The following UMODL1 variants were observed in gnomAD, a reference collection of about 807,000 sequenced individuals.
UMODL1 encodes uromodulin like 1.
Under a neutral mutation model 136.3 loss-of-function variants are expected in UMODL1, and 128 were observed. The ratio of observed to expected loss-of-function variants is 0.94; its 90% CI spans 0.81 to 1.09. UMODL1 has a LOEUF of 1.09. Ranked by LOEUF, UMODL1 falls within the 50% of genes least tolerant of loss-of-function variation. UMODL1 has a pLI of 0.00. For synonymous variants in UMODL1, 721 were observed against 720.0 expected, an observed-to-expected ratio of 1.00 and a Z score of -0.02; for missense variants, 1,766 against 1,725.6, an observed-to-expected ratio of 1.02 and a Z score of -0.41.
rs1601259528 is a variant in UMODL1 at position 42,122,926 on chromosome 21, A to C, written c.2923A>C (p.Thr975Pro). The C allele has an allele frequency of 6.2e-7, 1 of 1,613,220 alleles. No homozygotes were observed. The highest frequency in any genetic ancestry group is 8.5e-7 in the Non-Finnish European group (1 of 1,179,888). ...TGCCTTTGTGCAAGGCACCAGCCCC[A>C]CCCCCCAAGGCCTGCCCCAGCGGCT... is the stretch of plus-strand genomic sequence containing the variant. ...KAAFVQGTSP[T>P]PQGLPQRLNL... Residue 975 changes from threonine to proline, a missense_variant, in exon 17 of 23, where the codon ACC (threonine) becomes CCC (proline). By Grantham distance (38) the Thr-to-Pro change is conservative. Coordinates refer to ENST00000408910, the MANE Select transcript of UMODL1 (RefSeq NM_001004416.3). The surrounding 1 kb of genome is among the most constrained non-coding windows in gnomAD (Gnocchi z 4.3).
intron 1 of UMODL1, among the ~76,000 whole-genome samples, chr21:42,063,903 C>T (rs1253088057): frequency 6.6e-6 from 1 of 152,196 alleles, no homozygotes; most frequent in African/African-American, 2.4e-5. Flanking sequence ...GCCCTTCTTC[C>T]CTTTTCTCGA....
chr21:42,098,797 T>C, intron 6 of UMODL1, 129 bp from the exon 7 acceptor site: 1 of 1,418,916 alleles, frequency 7.0e-7, no homozygotes, highest in African/African-American at 1.4e-5. Context: ...GCCAGTGCTG[T>C]TCTGGATGGG....
chr21:42,136,309 T>C (rs184958216), intron 21 of UMODL1, among the ~76,000 whole-genome samples: 5 of 152,352 alleles, frequency 3.3e-5, no homozygotes, highest in Admixed American at 2.0e-4. Flanking sequence ...CAACTCCATG[T>C]AGTTTCAAAA....
Position 42,119,336 on chromosome 21 carries a change from T to G in UMODL1, c.2689+12T>G, listed in dbSNP as rs1601253215. 1 of 1,611,808 alleles carries G rather than the reference T, an allele frequency of 6.2e-7. No homozygotes were observed. Among genetic ancestry groups the G allele is most frequent in the Admixed American group, 1.7e-5 (1 of 59,998 alleles). ...CACCTTCATACAGGGTACGAGAGGCTGGGATGGAGCCTCTCCCGTGTTCTG... is the reference window on the plus strand; with the variant it reads ...CACCTTCATACAGGGTACGAGAGGCGGGGATGGAGCCTCTCCCGTGTTCTG... On this transcript the variant is annotated intron_variant, in intron 15 of 22. Coordinates refer to ENST00000408910, the MANE Select transcript of UMODL1 (RefSeq NM_001004416.3).
intron 2 of UMODL1, among the ~76,000 whole-genome samples, chr21:42,081,701 C>T (rs571890039): frequency 8.5e-5 from 13 of 152,134 alleles, no homozygotes; most frequent in Admixed American, 1.3e-4. Flanking sequence ...TCCTGTACCC[C>T]CCAACCCAGC....
chr21:42,129,728 C>A lies in UMODL1; in HGVS notation c.3706C>A (p.Arg1236=). The change falls in exon 21 of 23, where the codon CGG becomes AGG. Residue 1236 remains arginine, a synonymous_variant. Transcript: ENST00000408910. ...AAAAAAACAGAATTGCAATAACTTT[C>A]GGTTGCTGCAAAATAGTGAAACCTC... ...ATCKINCNNF[R]LLQNSETSAT... 6.3e-7 allele frequency: 1 copy of A among 1,580,014 alleles called. No homozygotes were observed. The highest frequency in any genetic ancestry group is 8.6e-7 in the Non-Finnish European group (1 of 1,168,034).
chr21:42,124,210 T>C (rs2067020349), intron 17 of UMODL1, among the ~76,000 whole-genome samples: 2 of 152,188 alleles, frequency 1.3e-5, no homozygotes, highest in Non-Finnish European at 2.9e-5. Flanking sequence ...AGGGCCCTGC[T>C]TGGGGGACAA....
chr21:42,103,849 G>C lies in UMODL1; in HGVS notation c.1300-19G>C, dbSNP rs560534891. 189 of 1,614,042 alleles carry C rather than the reference G, an allele frequency of 1.2e-4. 1 individual carries two copies. In the South Asian group the frequency reaches 1.6e-3, roughly 14 times the overall value. On this transcript the variant is annotated intron_variant, in intron 8 of 22. Transcript: ENST00000408910. ...GTGAAGACGTTGATGGATGTCTGCT[G>C]TTGCCTCTTCTTGGCTAGGTCGAGA... is the stretch of plus-strand genomic sequence containing the variant.
rs557602371 is a variant in UMODL1 at position 42,126,325 on chromosome 21, A to C, written c.3148-20A>C. On this transcript the variant is annotated intron_variant, in intron 17 of 22. Coordinates refer to ENST00000408910, the MANE Select transcript of UMODL1 (RefSeq NM_001004416.3). ...GCCGGCTGGGGCCTGGGAGCTCCTC[A>C]TGCTCCGCTTTGTGCTCAGAACATG... The C allele has an allele frequency of 6.2e-7, 1 of 1,613,292 alleles. No homozygotes were observed. Among genetic ancestry groups the C allele is most frequent in the Non-Finnish European group, 8.5e-7 (1 of 1,179,718 alleles).
intron 1 of UMODL1, among the ~76,000 whole-genome samples, chr21:42,073,396 C>T (rs868736205): frequency 7.9e-5 from 12 of 152,318 alleles, no homozygotes; most frequent in Middle Eastern, 3.4e-3. Flanking sequence ...GAGGACCTCC[C>T]GTTCCTTTGC....
intron 2 of UMODL1, among the ~76,000 whole-genome samples, chr21:42,077,089 A>G (rs2066303395): frequency 6.8e-6 from 1 of 146,106 alleles, no homozygotes. Context: ...TTTTGAGTCA[A>G]TACCAGATCT....
chr21:42,068,499 A>G (rs2066201589), upstream of UMODL1, among the ~76,000 whole-genome samples: 1 of 151,906 alleles, frequency 6.6e-6, no homozygotes, highest in Non-Finnish European at 1.5e-5. The surrounding 1 kb of genome is among the most constrained non-coding windows in gnomAD (Gnocchi z 5.5). Flanking sequence ...TGGTTGCATG[A>G]CTCTCCTCCC....
At chr21:42,077,352 T>C (rs1363644868) in intron 2 of UMODL1, among the ~76,000 whole-genome samples, 1 of 151,970 alleles carries the variant, frequency 6.6e-6, no homozygotes, top group African/African-American at 2.4e-5. Context: ...AAGAGTCTTT[T>C]ATTAGCCGGC....
In UMODL1 at chr21:42,086,383, G is replaced by A. The variant is rs2066426927; in HGVS notation, c.603+971G>A. The A allele has an allele frequency of 9.0e-5, 34 of 376,270 alleles. 1 individual carries two copies. The highest frequency in any genetic ancestry group is 6.2e-4 in the South Asian group (32 of 51,918). 23.3% of individuals were successfully genotyped at this position (376,270 alleles called of 1,614,324 possible). A position where few individuals can be genotyped will look rare whatever the true frequency, so the allele number is the denominator to read the frequency against. On this transcript the variant is annotated intron_variant, in intron 4 of 22. Coordinates refer to ENST00000408910, the MANE Select transcript of UMODL1 (RefSeq NM_001004416.3). ...AAACCCAGGGTTGGGTCACTCCTTG[G>A]CCGTTAGACTAAGCTGGCTGGCAGC...
At chr21:42,125,152 T>C (rs1037132684) in intron 17 of UMODL1, among the ~76,000 whole-genome samples, 1 of 152,138 alleles carries the variant, frequency 6.6e-6, no homozygotes, top group African/African-American at 2.4e-5. Flanking sequence ...TGTCAATGTC[T>C]GGGAGCCGAC....
upstream of UMODL1, among the ~76,000 whole-genome samples, chr21:42,071,081 A>G (rs1400479710): frequency 2.6e-5 from 4 of 152,282 alleles, no homozygotes; most frequent in East Asian, 7.7e-4. Context: ...ATAGGCTGTG[A>G]CACGCAGGAG....
chr21:42,084,003 A>C, intron 2 of UMODL1, 81 bp from the exon 3 acceptor site: 4 of 1,520,684 alleles, frequency 2.6e-6, no homozygotes, highest in Non-Finnish European at 3.6e-6. Context: ...AGCACCAGGA[A>C]GCACCGACGT....
chr21:42,119,417 T>C (rs1391671623), intron 15 of UMODL1, 93 bp downstream of exon 15: 2 of 1,156,954 alleles, frequency 1.7e-6, no homozygotes, highest in Admixed American at 1.8e-5. Flanking sequence ...AGATGTCGTG[T>C]TGTGCCCATG....
intron 1 of UMODL1, 100 bp from the exon 2 acceptor site, chr21:42,075,905 G>T (rs1297485951): frequency 6.5e-6 from 10 of 1,534,580 alleles, no homozygotes; most frequent in South Asian, 1.2e-5. Context: ...TGCGGGAGGT[G>T]TGCTCTCACT....
Sources: allele counts gnomAD v4.1 joint callset (sites outside exome capture counted in the v4.1 genomes callset), GRCh38; gene constraint gnomAD v4.1.1; non-coding constraint Gnocchi (gnomAD v3.1); transcripts MANE v1.5; gene names NCBI Gene and HGNC (gene_info 2026-07-23, HGNC 2026-07-21).